The following CREB3L2 variants were observed in gnomAD, a reference collection of about 807,000 sequenced individuals.
The protein encoded by CREB3L2 is cyclic AMP-responsive element-binding protein 3-like protein 2.
Under a neutral mutation model 57.2 loss-of-function variants are expected in CREB3L2, and 23 were observed. The ratio of observed to expected loss-of-function variants is 0.40; its 90% confidence interval spans 0.29 to 0.57. The LOEUF is 0.57. Among genes scored for constraint, CREB3L2 ranks in the 20% least tolerant of loss-of-function variants. The probability of loss-of-function intolerance (pLI) is 0.42; values close to 1 mark genes in which losing one functional copy is unlikely to be tolerated. For missense variants in CREB3L2, 628 were observed against 634.7 expected (o/e 0.99, Z 0.11); for synonymous variants, 268 against 265.1 (o/e 1.01, Z -0.11).
At position 137,892,348 on chromosome 7, in the gene CREB3L2, A is replaced by T. The variant is rs1799542626; in HGVS notation, c.1044-6846T>A. On this transcript the variant is annotated intron_variant, in intron 8 of 11. Transcript: ENST00000330387. ...TGTTACTTATCTAATGCACACAATT[A>T]AAAAAAAAAAAAAACAACTTGGTCA... Among the ~76,000 whole-genome samples, 23 of 108,944 alleles carry T rather than the reference A, an allele frequency of 2.1e-4. No individual in the cohort carries two copies. The South Asian group carries it at 5.7e-3, about 27-fold the overall frequency. 71.5% of individuals were successfully genotyped at this position (108,944 alleles called of 152,430 possible).
At chr7:137,946,392 G>A (rs952438074) in intron 1 of CREB3L2, among the ~76,000 whole-genome samples, 10 of 147,300 alleles carry the variant, frequency 6.8e-5, no homozygotes, top group African/African-American at 1.0e-4. Flanking sequence ...TGCTGGCCTG[G>A]AAGAGGCAAA....
chr7:137,893,388 G>A (rs1475135369), intron 8 of CREB3L2, among the ~76,000 whole-genome samples: 1 of 152,250 alleles, frequency 6.6e-6, no homozygotes, highest in Non-Finnish European at 1.5e-5. Context: ...TAGAGATAAT[G>A]CAGAAATGAA....
chr7:137,881,424 A>G (rs535037902), intron 11 of CREB3L2, among the ~76,000 whole-genome samples: 1 of 152,352 alleles, frequency 6.6e-6, no homozygotes, highest in East Asian at 1.9e-4. Flanking sequence ...TATAATGCAA[A>G]TATTCCAAAA....
chr7:137,957,017 A>G (rs1801229061), intron 1 of CREB3L2, among the ~76,000 whole-genome samples: 1 of 151,570 alleles, frequency 6.6e-6, no homozygotes, highest in Non-Finnish European at 1.5e-5. Context: ...CCCAGTGTAC[A>G]TTAAAACTCA....
At chr7:137,903,255 A>G (rs1370691134) in intron 7 of CREB3L2, among the ~76,000 whole-genome samples, 1 of 152,242 alleles carries the variant, frequency 6.6e-6, no homozygotes, top group Non-Finnish European at 1.5e-5. Context: ...AACTTTCAAT[A>G]GTAGCTTTGA....
intron 1 of CREB3L2, among the ~76,000 whole-genome samples, chr7:137,942,720 T>C (rs11763953): frequency 0.037 from 5,671 of 152,308 alleles, 155 homozygotes; most frequent in African/African-American, 0.065. Context: ...AATCACCATA[T>C]GTTAAAAGTT....
At chr7:137,965,339 A>G (rs1427124176) in intron 1 of CREB3L2, among the ~76,000 whole-genome samples, 1 of 152,014 alleles carries the variant, frequency 6.6e-6, no homozygotes, top group Non-Finnish European at 1.5e-5. Flanking sequence ...ATATATTTAC[A>G]CTCGTTGAGG....
At chr7:137,884,609 T>C in intron 10 of CREB3L2, 1 of 504,016 alleles carries the variant, frequency 2.0e-6, no homozygotes, top group South Asian at 2.4e-5. Flanking sequence ...TGCATTACAT[T>C]ACTCATACAA....
rs1256678805 is a variant in CREB3L2, at chr7:137,915,929, G to A, written c.403C>T (p.Pro135Ser). ...GTGACAGACGGAACGAGTCCTGGGGGTGGTTCGTCTGTAACTGGCTCTGTC... is the reference window on the plus strand; with the variant it reads ...GTGACAGACGGAACGAGTCCTGGGGATGGTTCGTCTGTAACTGGCTCTGTC... ...IKTEPVTDEP[P>S]PGLVPSVTLT... Residue 135 changes from proline (P) to serine (S), a missense_variant, in exon 3 of 12, where the codon CCC (proline) becomes TCC (serine). Around this residue, in one of 3 missense-constraint regions of CREB3L2, gnomAD observed 339 missense variants for 355.4 expected, o/e 0.95. Transcript: ENST00000330387. 1.2e-6 allele frequency: 2 copies of A among 1,613,904 alleles called. No individual in the cohort carries two copies. Among genetic ancestry groups the A allele is most frequent in the African/African-American group, 1.3e-5 (1 of 74,922 alleles).
intron 8 of CREB3L2, among the ~76,000 whole-genome samples, chr7:137,895,352 T>A (rs537860542): frequency 6.6e-6 from 1 of 152,224 alleles, no homozygotes; most frequent in South Asian, 2.1e-4. Flanking sequence ...AATGTATTTC[T>A]TGATGGAGCA....
At chr7:137,937,728 T>C (rs975686103) in intron 1 of CREB3L2, among the ~76,000 whole-genome samples, 2 of 151,704 alleles carry the variant, frequency 1.3e-5, no homozygotes, top group Non-Finnish European at 2.9e-5. Context: ...GTGGTGGGGG[T>C]TATTTTGGGG....
intron 5 of CREB3L2, among the ~76,000 whole-genome samples, chr7:137,907,607 T>C (rs1003784904): frequency 3.9e-5 from 6 of 152,254 alleles, no homozygotes; most frequent in South Asian, 2.1e-4. Context: ...AGTTGTGAGA[T>C]TGTGAATTCA....
chr7:138,000,402 C>G (rs1442683119), intron 1 of CREB3L2, among the ~76,000 whole-genome samples: 1 of 152,224 alleles, frequency 6.6e-6, no homozygotes, highest in Non-Finnish European at 1.5e-5. Flanking sequence ...CACTGAACAT[C>G]TGGCTTTTGC....
chr7:137,935,491 G>A (rs560786094), intron 1 of CREB3L2, among the ~76,000 whole-genome samples: 2 of 152,300 alleles, frequency 1.3e-5, no homozygotes, highest in South Asian at 4.1e-4. Context: ...AGCCCTTTAA[G>A]TATCTCTTAA....
At chr7:137,934,225 C>T (rs1321580339) in intron 1 of CREB3L2, among the ~76,000 whole-genome samples, 1 of 152,182 alleles carries the variant, frequency 6.6e-6, no homozygotes, top group Non-Finnish European at 1.5e-5. Flanking sequence ...AGACCTTGAG[C>T]TAGGGTACTC....
At chr7:137,928,796 C>T (rs1442494539) in intron 1 of CREB3L2, among the ~76,000 whole-genome samples, 1 of 152,204 alleles carries the variant, frequency 6.6e-6, no homozygotes, top group Non-Finnish European at 1.5e-5. Context: ...CATCATTACA[C>T]CCTCCACATT....
intron 1 of CREB3L2, among the ~76,000 whole-genome samples, chr7:137,942,352 C>G (rs1379483568): frequency 6.6e-6 from 1 of 152,218 alleles, no homozygotes; most frequent in Admixed American, 6.5e-5. Context: ...CTAAATCCTT[C>G]TGCCCTCAGG....
At chr7:137,905,286 A>AAT (rs936198175) in intron 6 of CREB3L2, among the ~76,000 whole-genome samples, 10 of 148,686 alleles carry the variant, frequency 6.7e-5, no homozygotes, top group East Asian at 3.9e-4. Context: ...ATATATATAT[A>AAT]ATATATATAT....
In CREB3L2 at chr7:137,968,938, G is replaced by A. The variant is rs1489792206; in HGVS notation, c.102+32666C>T. Among the ~76,000 whole-genome samples the A allele has an allele frequency of 2.6e-5, 4 of 152,236 alleles. No homozygotes were observed. In the East Asian group the frequency reaches 7.7e-4, roughly 29 times the overall value. On this transcript the variant is annotated intron_variant, in intron 1 of 11. Transcript: ENST00000330387. Reference sequence around the variant, plus strand: ...GTGAGAAGGGGCAAAAAGAAAATGAGGAAGAAAGAAACGAAGGAGAAGAAT... The same window carrying A: ...GTGAGAAGGGGCAAAAAGAAAATGAAGAAGAAAGAAACGAAGGAGAAGAAT...
Sources: allele counts gnomAD v4.1 joint callset (sites outside exome capture counted in the v4.1 genomes callset), GRCh38; gene constraint gnomAD v4.1.1; regional missense constraint gnomAD v4.1.1; transcripts MANE v1.5; gene names NCBI Gene and HGNC (gene_info 2026-07-23, HGNC 2026-07-21).